DAAM1: variants seen among roughly 807,000 people sequenced by gnomAD.
DAAM1 encodes the protein dishevelled associated activator of morphogenesis 1, also known as disheveled-associated activator of morphogenesis 1.
In DAAM1, 52 loss-of-function variants were observed where a neutral mutation model predicts 130.0. The observed-to-expected ratio is 0.40, with a 90% CI of 0.32 to 0.50. The LOEUF (loss-of-function observed/expected upper bound fraction) is 0.50. Ranked by LOEUF, DAAM1 falls within the 20% of genes least tolerant of loss-of-function variation. The probability of loss-of-function intolerance (pLI) is 0.61; values close to 1 mark genes in which losing one functional copy is unlikely to be tolerated. For missense variants in DAAM1, 1,134 were observed against 1,303.8 expected, an observed-to-expected ratio of 0.87 and a Z score of 2.01; for synonymous variants, 452 against 444.5, an observed-to-expected ratio of 1.02 and a Z score of -0.21.
chr14:59,360,708 G>C, intron 21 of DAAM1, 94 bp from the exon 22 acceptor site: 1 of 1,014,898 alleles, frequency 9.9e-7, no homozygotes, highest in Non-Finnish European at 1.4e-6. Flanking sequence ...AATTAAAATA[G>C]GATGGACTTC....
chr14:59,241,457 A>G (rs1025731377), intron 1 of DAAM1, among the ~76,000 whole-genome samples: 29 of 152,208 alleles, frequency 1.9e-4, no homozygotes, highest in African/African-American at 7.0e-4. Context: ...TGTTTTTTAA[A>G]GTTTGAACTA....
intron 1 of DAAM1, among the ~76,000 whole-genome samples, chr14:59,249,518 G>A (rs753286878): frequency 6.6e-6 from 1 of 152,200 alleles, no homozygotes; most frequent in Non-Finnish European, 1.5e-5. Flanking sequence ...GAATTAGGTT[G>A]CAACTAAGTA....
intron 23 of DAAM1, among the ~76,000 whole-genome samples, chr14:59,366,137 G>GCTACT (rs920130617): frequency 7.1e-6 from 1 of 141,200 alleles, no homozygotes; most frequent in Non-Finnish European, 1.5e-5. Context: ...TATAGTCCCA[G>GCTACT]CTACTCAGGA....
chr14:59,330,732 C>T, intron 13 of DAAM1, 44 bp downstream of exon 13: 1 of 1,550,562 alleles, frequency 6.4e-7, no homozygotes, highest in Non-Finnish European at 8.7e-7. Flanking sequence ...CAAGGCCTCA[C>T]TGACCCTAGA....
At chr14:59,303,947 G>A (rs887120366) in intron 3 of DAAM1, among the ~76,000 whole-genome samples, 11 of 152,098 alleles carry the variant, frequency 7.2e-5, no homozygotes, top group African/African-American at 1.7e-4. Flanking sequence ...AGCATCTGCC[G>A]TGACACATGA....
Position 59,368,712 on chromosome 14 carries a change from C to G in DAAM1, c.3060C>G (p.Ser1020Arg). Residue 1020 changes from serine to arginine, a missense_variant, in exon 25 of 25, where the codon AGC (serine) becomes AGG (arginine). Around this residue, in one of 3 missense-constraint regions of DAAM1, gnomAD observed 644 missense variants for 695.9 expected, o/e 0.93. Coordinates refer to ENST00000360909, the MANE Select transcript of DAAM1 (RefSeq NM_001270520.2). ...AAGCTAAAGAGAATAGTGAAGAAAG[C>G]GGAGAGTTTGATGACCTTGTTTCAG... The part of the protein sequence containing the change: ...MRKAKENSEE[S>R]GEFDDLVSAL... 6.2e-7 allele frequency: 1 copy of G among 1,613,780 alleles called. No individual in the cohort carries two copies. The highest frequency in any genetic ancestry group is 8.5e-7 in the Non-Finnish European group (1 of 1,179,846).
Position 59,271,430 on chromosome 14 carries a change from G to A in DAAM1, c.183+7770G>A, listed in dbSNP as rs112475139. ...ATATCATTAAATACTGAGGACATTCGCAGGATTAGTCATCAGCATAGAATT... is the reference window on the plus strand; with the variant it reads ...ATATCATTAAATACTGAGGACATTCACAGGATTAGTCATCAGCATAGAATT... On this transcript the variant is annotated intron_variant, in intron 2 of 24. Transcript: ENST00000360909. Among the ~76,000 whole-genome samples, 80 of 152,170 alleles carry A rather than the reference G, an allele frequency of 5.3e-4. 1 individual carries two copies. Among genetic ancestry groups the A allele is most frequent in the African/African-American group, 1.8e-3 (74 of 41,516 alleles).
At chr14:59,201,160 CAAAAAAA>C (rs71111617) in intron 1 of DAAM1, among the ~76,000 whole-genome samples, 1,730 of 68,906 alleles carry the variant, frequency 0.025, 20 homozygotes, top group Non-Finnish European at 0.031. Flanking sequence ...GACTCCGTCT[CAAAAAAA>C]AAAAAAAAAA....
intron 3 of DAAM1, among the ~76,000 whole-genome samples, chr14:59,309,139 C>T (rs1884480045): frequency 6.6e-6 from 1 of 152,216 alleles, no homozygotes; most frequent in Non-Finnish European, 1.5e-5. Context: ...AGGAAAGCAA[C>T]AATCTCCAAA....
At chr14:59,299,102 G>A (rs1200488380) in intron 3 of DAAM1, among the ~76,000 whole-genome samples, 1 of 152,046 alleles carries the variant, frequency 6.6e-6, no homozygotes, top group East Asian at 1.9e-4. Context: ...TCCTCCTTAG[G>A]GATGGATCTT....
intron 3 of DAAM1, among the ~76,000 whole-genome samples, chr14:59,293,377 A>G (rs1051246389): frequency 1.6e-4 from 25 of 152,182 alleles, no homozygotes; most frequent in African/African-American, 5.8e-4. Flanking sequence ...TCATTTTTCA[A>G]TTTCCACACC....
intron 2 of DAAM1, 53 bp from the exon 3 acceptor site, chr14:59,291,164 C>G: frequency 7.0e-7 from 1 of 1,433,486 alleles, no homozygotes; most frequent in South Asian, 1.3e-5. Flanking sequence ...ATAACGTTCT[C>G]TACAGGAATA....
chr14:59,230,598 G>C (rs1054354102), intron 1 of DAAM1, among the ~76,000 whole-genome samples: 2 of 152,104 alleles, frequency 1.3e-5, no homozygotes, highest in African/African-American at 2.4e-5. Context: ...GGCTGGGAAG[G>C]GTAGTGGGGG....
intron 1 of DAAM1, among the ~76,000 whole-genome samples, chr14:59,223,293 T>C (rs1250662138): frequency 6.6e-6 from 1 of 152,214 alleles, no homozygotes; most frequent in Non-Finnish European, 1.5e-5. Context: ...GCTTGGTTGA[T>C]CATATAATAC....
intron 15 of DAAM1, 120 bp downstream of exon 15, chr14:59,332,040 T>C (rs1885463378): frequency 1.1e-5 from 9 of 817,756 alleles, no homozygotes; most frequent in Non-Finnish European, 1.8e-5. Flanking sequence ...CTGTTGGATC[T>C]ACCCTGTGCA....
At chr14:59,320,465 A>G in intron 4 of DAAM1, 25 bp from the exon 5 acceptor site, 1 of 1,565,538 alleles carries the variant, frequency 6.4e-7, no homozygotes, top group South Asian at 1.2e-5. Context: ...AATTTGAAGA[A>G]GTAACTTCTG....
chr14:59,362,075 C>CTGAT (rs1186228802), intron 22 of DAAM1, among the ~76,000 whole-genome samples: 2 of 134,266 alleles, frequency 1.5e-5, no homozygotes, highest in Non-Finnish European at 3.1e-5. Flanking sequence ...AAAAATTCTA[C>CTGAT]TGATTGAACT....
chr14:59,307,559 T>C (rs983926251), intron 3 of DAAM1, among the ~76,000 whole-genome samples: 1 of 152,234 alleles, frequency 6.6e-6, no homozygotes, highest in African/African-American at 2.4e-5. Flanking sequence ...TATATTTTAT[T>C]TTTGAATACG....
chr14:59,315,308 G>A lies in DAAM1; in HGVS notation c.302G>A (p.Ser101Asn). ...CAGGAAGAAAACAAGGGAGCTACAA[G>A]TTGGCCTGAATTCTACATTGATCAG... ...KDQEENKGATSWPEFYIDQLN... is the reference protein window; with the variant it reads ...KDQEENKGATNWPEFYIDQLN... The change falls in exon 4 of 25, where the codon AGT (serine) becomes AAT (asparagine). Residue 101 changes from serine to asparagine, a missense_variant. By Grantham distance (46) the Ser-to-Asn change is conservative. Transcript: ENST00000360909. The A allele has an allele frequency of 6.2e-7, 1 of 1,614,036 alleles. No homozygotes were observed. Among genetic ancestry groups the A allele is most frequent in the Non-Finnish European group, 8.5e-7 (1 of 1,179,940 alleles).
Sources: allele counts gnomAD v4.1 joint callset (sites outside exome capture counted in the v4.1 genomes callset), GRCh38; gene constraint gnomAD v4.1.1; regional missense constraint gnomAD v4.1.1; transcripts MANE v1.5; gene names NCBI Gene and HGNC (gene_info 2026-07-23, HGNC 2026-07-21).